The following SLC2A7 variants were observed in gnomAD, a reference collection of about 807,000 sequenced individuals.
SLC2A7 encodes solute carrier family 2 member 7, also known as solute carrier family 2, facilitated glucose transporter member 7.
SLC2A7 carries 50 observed loss-of-function variants against 50.5 expected under a neutral mutation model. The observed-to-expected ratio is 0.99, with a 90% confidence interval of 0.79 to 1.25. The LOEUF is 1.25. Ranked by LOEUF, SLC2A7 falls within the 50% of genes most tolerant of loss-of-function variation. The pLI, the probability that SLC2A7 is intolerant of heterozygous loss-of-function variation, is 0.00. For synonymous variants in SLC2A7, 308 were observed against 300.4 expected (o/e 1.03, Z -0.26); for missense variants, 683 against 679.1 (o/e 1.01, Z -0.06).
intron 8 of SLC2A7, among the ~76,000 whole-genome samples, chr1:9,010,828 C>T (rs1640738685): frequency 6.6e-6 from 1 of 152,218 alleles, no homozygotes. Context: ...ACTAGAATAA[C>T]CACATTTTCT....
Position 9,010,259 on chromosome 1 carries a change from G to T in SLC2A7, c.1015-15C>A, listed in dbSNP as rs1161314488. On this transcript the variant is annotated splice_polypyrimidine_tract_variant and intron_variant, in intron 8 of 11. Coordinates refer to ENST00000400906, the MANE Select transcript of SLC2A7 (RefSeq NM_207420.3). ...ACAAGGACAGCCTGGAGGGGAAGGG[G>T]GACAGTGAGAAGCCGCCTTGGCCTG... 3 of 1,549,170 alleles carry T rather than the reference G, an allele frequency of 1.9e-6. No individual in the cohort carries two copies. The highest frequency in any genetic ancestry group is 4.9e-5 in the East Asian group (2 of 40,898).
chr1:8,994,608 G>T, the SLC2A7 span, among the ~76,000 whole-genome samples: 1 of 152,106 alleles, frequency 6.6e-6, no homozygotes. Context: ...GATCTCAAAG[G>T]CTGCACCACC....
Position 9,014,786 on chromosome 1 carries a change from C to T in SLC2A7, c.798G>A (p.Glu266=), listed in dbSNP as rs946893880. 5.0e-6 allele frequency: 8 copies of T among 1,599,682 alleles called. No individual in the cohort carries two copies. The African/African-American group carries it at 9.4e-5, about 19-fold the overall frequency. ...AGAGGTGCAGCACAGACAGGTGGCCCTCGGCGCGCTCGGCCCGGGCCTCCG... is the reference window on the plus strand; with the variant it reads ...AGAGGTGCAGCACAGACAGGTGGCCTTCGGCGCGCTCGGCCCGGGCCTCCG... The part of the protein sequence containing the change: ...MRAEARAERA[E]GHLSVLHLCA... Residue 266 remains glutamate, a synonymous_variant, in exon 7 of 12, where the codon GAG becomes GAA. Transcript: ENST00000400906.
In SLC2A7 at chr1:9,018,369, G is replaced by A; in HGVS notation, c.443C>T (p.Ser148Phe). 1.2e-6 allele frequency: 2 copies of A among 1,614,178 alleles called. No homozygotes were observed. Among genetic ancestry groups the A allele is most frequent in the Non-Finnish European group, 1.7e-6 (2 of 1,180,014 alleles). The change falls in exon 5 of 12, where the codon TCC becomes TTC. Residue 148 changes from serine to phenylalanine, a missense_variant. Transcript: ENST00000400906. ...RVVLGVCAGI[S>F]YSALPMYLGE... ...CAGGTACATGGGAAGGGCGCTGTAG[G>A]AGATGCCTGGTTTGGGCACAGCAGA...
In SLC2A7 at chr1:9,022,943, C is replaced by T. The variant is rs1640933996; in HGVS notation, c.286G>A (p.Gly96Ser). 1 of 1,613,874 alleles carries T rather than the reference C, an allele frequency of 6.2e-7. No individual in the cohort carries two copies. The highest frequency in any genetic ancestry group is 1.1e-5 in the South Asian group (1 of 91,062). ...CTGCCGCAGCTATCAACCAGCAGGC[C>T]CACGAGCAATGACCCCAACAGGCCG... Reference protein sequence around the residue: ...LGGLLGSLLVGLLVDSCGRKG... With the variant: ...LGGLLGSLLVSLLVDSCGRKG... Residue 96 changes from glycine to serine, a missense_variant, in exon 3 of 12, where the codon GGC becomes AGC. Gly to Ser is a moderately conservative substitution (Grantham distance 56). Transcript: ENST00000400906.
At chr1:9,024,354 T>C (rs1640962561) in intron 2 of SLC2A7, among the ~76,000 whole-genome samples, 1 of 152,212 alleles carries the variant, frequency 6.6e-6, no homozygotes, top group Non-Finnish European at 1.5e-5. Context: ...TACACTAATA[T>C]ATGTATATAT....
intron 9 of SLC2A7, among the ~76,000 whole-genome samples, chr1:9,009,268 G>C (rs1365491455): frequency 2.0e-5 from 3 of 152,192 alleles, no homozygotes; most frequent in Non-Finnish European, 4.4e-5. Context: ...CAGCAAAGAG[G>C]CTGCCTCGGA....
In SLC2A7 at chr1:9,004,864, A is replaced by T. The variant is rs1381580416; in HGVS notation, c.1208T>A (p.Val403Glu). The T allele has an allele frequency of 6.2e-7, 1 of 1,613,814 alleles. No homozygotes were observed. The highest frequency in any genetic ancestry group is 1.1e-5 in the South Asian group (1 of 91,050). ...CTGCAGGAAGATCTCGGTCCTCACCACCGAGGGGACAGGACCTGGAGGGCA... is the reference window on the plus strand; with the variant it reads ...CTGCAGGAAGATCTCGGTCCTCACCTCCGAGGGGACAGGACCTGGAGGGCA... ...HSIGPSPVPS[V>E]VRTEIFLQSS... Residue 403 changes from valine to glutamate, a missense_variant, in exon 11 of 12, where the codon GTG becomes GAG. Coordinates refer to ENST00000400906, the MANE Select transcript of SLC2A7 (RefSeq NM_207420.3).
the SLC2A7 span, among the ~76,000 whole-genome samples, chr1:8,996,657 C>A: frequency 6.6e-6 from 1 of 152,184 alleles, no homozygotes; most frequent in Non-Finnish European, 1.5e-5. Context: ...GACCCGCGTT[C>A]CAGTTGCCCC....
downstream of SLC2A7, among the ~76,000 whole-genome samples, chr1:8,998,529 T>A (rs1218506894): frequency 6.6e-6 from 1 of 152,224 alleles, no homozygotes; most frequent in East Asian, 1.9e-4. Context: ...TTTTGATTAC[T>A]CCAGCTTTAC....
At chr1:9,010,687 C>T (rs867488784) in intron 8 of SLC2A7, among the ~76,000 whole-genome samples, 3 of 152,190 alleles carry the variant, frequency 2.0e-5, no homozygotes, top group Non-Finnish European at 4.4e-5. Context: ...ACCCCTGCTG[C>T]CTGCATGTGG....
At position 9,022,018 on chromosome 1, in the gene SLC2A7, G is replaced by A. The variant is rs149679606; in HGVS notation, c.311+900C>T. ...GAGTGAATTGTTTCTTCTTTCCAGC[G>A]CATAATGTATGGCAAATTAATTGTC... On this transcript the variant is annotated intron_variant, in intron 3 of 11. Transcript: ENST00000400906. Among the ~76,000 whole-genome samples the A allele has an allele frequency of 6.6e-3, 1,002 of 152,222 alleles. 6 individuals carry two copies. The highest frequency in any genetic ancestry group is 9.9e-3 in the Non-Finnish European group (676 of 68,016).
At chr1:9,017,635 C>T (rs977701898) in intron 5 of SLC2A7, among the ~76,000 whole-genome samples, 2 of 152,212 alleles carry the variant, frequency 1.3e-5, no homozygotes, top group African/African-American at 4.8e-5. Context: ...ACTCTGAAGG[C>T]TCTGCGAATC....
In SLC2A7 at chr1:9,003,403, C is replaced by A; in HGVS notation, c.1436G>T (p.Arg479Leu). ...TKGKTFVEIN[R>L]IFAKRNRVKL... ...CACCCTGTTTCTCTTGGCAAAAATG[C>A]GGTTTATCTCCACAAATGTTTTGCC... is the stretch of plus-strand genomic sequence containing the variant. The change falls in exon 12 of 12, where the codon CGC becomes CTC. Residue 479 changes from arginine (R) to leucine (L), a missense_variant. Coordinates refer to ENST00000400906, the MANE Select transcript of SLC2A7 (RefSeq NM_207420.3). 1.9e-6 allele frequency: 3 copies of A among 1,614,164 alleles called. No individual in the cohort carries two copies. The highest frequency in any genetic ancestry group is 1.7e-6 in the Non-Finnish European group (2 of 1,180,038).
In SLC2A7 at chr1:9,004,675, T is replaced by C. The variant is rs1404560854; in HGVS notation, c.1320+77A>G. The C allele has an allele frequency of 3.9e-6, 6 of 1,551,002 alleles. No homozygotes were observed. The Admixed American group carries it at 1.0e-4, about 27-fold the overall frequency. ...GTCCCCACCTTGCTGGATTCACAGATGTGCTTAGCGGAAGGGGAATACATC... is the reference window on the plus strand; with the variant it reads ...GTCCCCACCTTGCTGGATTCACAGACGTGCTTAGCGGAAGGGGAATACATC... On this transcript the variant is annotated intron_variant, in intron 11 of 11. Coordinates refer to ENST00000400906, the MANE Select transcript of SLC2A7 (RefSeq NM_207420.3).
At position 9,015,131 on chromosome 1, in the gene SLC2A7, G is replaced by A. The variant is rs757575067; in HGVS notation, c.701C>T (p.Ala234Val). 6.2e-7 allele frequency: 1 copy of A among 1,613,452 alleles called. No individual in the cohort carries two copies. The highest frequency in any genetic ancestry group is 2.2e-5 in the East Asian group (1 of 44,866). Residue 234 changes from alanine (A) to valine (V), a missense_variant, in exon 6 of 12, where the codon GCC becomes GTC. Coordinates refer to ENST00000400906, the MANE Select transcript of SLC2A7 (RefSeq NM_207420.3). ...RYSLIQKGDE[A>V]TARQALRRLR... ...CGACTTCATACCTTGTCGCGCTGTGGCTTCATCTCCTTTCTGAATCAGGGA... is the reference window on the plus strand; with the variant it reads ...CGACTTCATACCTTGTCGCGCTGTGACTTCATCTCCTTTCTGAATCAGGGA...
At chr1:8,995,207 G>A in the SLC2A7 span, among the ~76,000 whole-genome samples, 9 of 151,722 alleles carry the variant, frequency 5.9e-5, no homozygotes, top group African/African-American at 1.2e-4. Context: ...CCAGCACTTT[G>A]GGAGGCCGTC....
downstream of SLC2A7, among the ~76,000 whole-genome samples, chr1:9,000,614 G>A (rs1163009028): frequency 1.3e-5 from 2 of 151,978 alleles, no homozygotes; most frequent in Non-Finnish European, 2.9e-5. Flanking sequence ...GCAAGACTCT[G>A]TCTCAAAATA....
chr1:9,016,649 GAGGAAGGA>G (rs111801535), intron 5 of SLC2A7, among the ~76,000 whole-genome samples: 58 of 149,614 alleles, frequency 3.9e-4, no homozygotes, highest in African/African-American at 1.1e-3. Context: ...AGAAGAGAGA[GAGGAAGGA>G]AGGAAGGAAG....
Sources: gnomAD v4.1 joint callset for allele counts (sites outside exome capture counted in the v4.1 genomes callset) on GRCh38, gnomAD v4.1.1 for gene constraint, MANE v1.5 for transcripts, NCBI Gene and HGNC (gene_info 2026-07-23, HGNC 2026-07-21) for gene names.